The following MICAL3 variants were observed in gnomAD, a reference collection of about 807,000 sequenced individuals.
MICAL3 encodes the protein microtubule associated monooxygenase, calponin and LIM domain containing 3.
A neutral mutation model predicts 207.4 loss-of-function variants in MICAL3; 62 were observed. The ratio of observed to expected loss-of-function variants is 0.30; its 90% confidence interval spans 0.24 to 0.37. The LOEUF is 0.37. Among genes scored for constraint, MICAL3 ranks in the 10% least tolerant of loss-of-function variants. The probability of loss-of-function intolerance (pLI) is 1.00; values close to 1 mark genes in which losing one functional copy is unlikely to be tolerated. For missense variants in MICAL3, 2,368 were observed against 2,635.6 expected, an observed-to-expected ratio of 0.90 and a Z score of 2.22; for synonymous variants, 1,077 against 1,069.3, an observed-to-expected ratio of 1.01 and a Z score of -0.14.
At position 17,877,547 on chromosome 22, in the gene MICAL3, GAGGGAGGTTATGGAGGTT is replaced by G. The variant is rs1928944225; in HGVS notation, c.2242-5542_2242-5525del. On this transcript the variant is annotated intron_variant, in intron 16 of 31. Coordinates refer to ENST00000441493, the MANE Select transcript of MICAL3 (RefSeq NM_015241.3). ...GGGAGGTGAGGGAGGTTATGGAGGT[GAGGGAGGTTATGGAGGTT>G]AGGGAGGTTAGGGAAGTTATGGAGG... 4.3e-4 allele frequency among the ~76,000 whole-genome samples: 26 copies of G among 60,228 alleles called. 1 individual carries two copies. The highest frequency in any genetic ancestry group is 6.4e-4 in the Non-Finnish European group (17 of 26,748). 39.5% of individuals were successfully genotyped at this position (60,228 alleles called of 152,430 possible).
chr22:17,852,834 G>C (rs1392692124), intron 19 of MICAL3, among the ~76,000 whole-genome samples: 2 of 152,206 alleles, frequency 1.3e-5, no homozygotes, highest in African/African-American at 4.8e-5. Flanking sequence ...CAGCACTTTG[G>C]GAGGCTGAGG....
In MICAL3 at chr22:18,014,410, C is replaced by G. The variant is rs572966622; in HGVS notation, c.-75+9871G>C. Among the ~76,000 whole-genome samples the G allele has an allele frequency of 4.7e-4, 71 of 152,254 alleles. 1 individual carries two copies. Among genetic ancestry groups the G allele is most frequent in the Non-Finnish European group, 9.0e-4 (61 of 68,032 alleles). On this transcript the variant is annotated intron_variant, in intron 1 of 31. Coordinates refer to ENST00000441493, the MANE Select transcript of MICAL3 (RefSeq NM_015241.3). ...GCCATTCGATCTGAAAATACCAGAG[C>G]CTGGAAGGAAGAGAACAGCTTTTCC...
At chr22:17,813,989 A>G (rs868769651) in intron 27 of MICAL3, 4 of 152,268 alleles carry the variant, frequency 2.6e-5, no homozygotes, top group Non-Finnish European at 4.4e-5. Context: ...TTTCTATAAT[A>G]AACATTTTAA....
At chr22:17,865,327 C>T (rs186651261) in intron 18 of MICAL3, among the ~76,000 whole-genome samples, 1 of 152,184 alleles carries the variant, frequency 6.6e-6, no homozygotes, top group Non-Finnish European at 1.5e-5. Context: ...GGGGGACTGA[C>T]AGGCAGGCGT....
At chr22:17,875,500 T>G (rs575915868) in intron 16 of MICAL3, 46 of 1,556,140 alleles carry the variant, frequency 3.0e-5, no homozygotes, top group Non-Finnish European at 4.0e-5. Context: ...GAGCGGAGAC[T>G]AAGAGAAAGC....
At chr22:17,979,221 C>T (rs570985859) in intron 1 of MICAL3, among the ~76,000 whole-genome samples, 39 of 151,740 alleles carry the variant, frequency 2.6e-4, no homozygotes, top group East Asian at 4.0e-4. Context: ...ACCATATTCT[C>T]GAAAGGGCCT....
chr22:17,993,807 T>C (rs909931087), intron 1 of MICAL3, among the ~76,000 whole-genome samples: 1 of 150,996 alleles, frequency 6.6e-6, no homozygotes, highest in Non-Finnish European at 1.5e-5. Context: ...GAGGGAAATA[T>C]GGAGGAGGGG....
In MICAL3 at chr22:17,868,900, G is replaced by A. The variant is rs561182450; in HGVS notation, c.2429-2888C>T. On this transcript the variant is annotated intron_variant, in intron 17 of 31. Coordinates refer to ENST00000441493, the MANE Select transcript of MICAL3 (RefSeq NM_015241.3). ...GCAGACAGAATGGTTCTCCACAGACGCATGGATGAGACAGTGCGAGCCCTG... is the reference window on the plus strand; with the variant it reads ...GCAGACAGAATGGTTCTCCACAGACACATGGATGAGACAGTGCGAGCCCTG... Among the ~76,000 whole-genome samples, 34 of 151,864 alleles carry A rather than the reference G, an allele frequency of 2.2e-4. 1 individual carries two copies. In the East Asian group the frequency reaches 2.9e-3, roughly 13 times the overall value.
chr22:17,841,757 C>T lies in MICAL3; in HGVS notation c.2801+65G>A. 1.3e-6 allele frequency: 2 copies of T among 1,493,186 alleles called. No individual in the cohort carries two copies. The highest frequency in any genetic ancestry group is 1.8e-6 in the Non-Finnish European group (2 of 1,102,224). The allele number at this position is 1,493,186 out of a possible 1,614,324, so 92.5% of individuals were successfully genotyped here. ...CCTTCACTGAGAAGAAACCGAGACACACAGAGGTGAGGAGGCTCTTAGGGC... is the reference window on the plus strand; with the variant it reads ...CCTTCACTGAGAAGAAACCGAGACATACAGAGGTGAGGAGGCTCTTAGGGC... On this transcript the variant is annotated intron_variant, in intron 20 of 31. Transcript: ENST00000441493. The surrounding 1 kb of genome is among the most constrained non-coding windows in gnomAD (Gnocchi z 4.2).
chr22:17,876,828 AT>A (rs1569109196), intron 16 of MICAL3: 2 of 137,914 alleles, frequency 1.5e-5, no homozygotes, highest in South Asian at 2.2e-4. Context: ...TAGGGAGGTT[AT>A]GGAGGTTAGG....
chr22:17,949,812 C>T (rs994635531), intron 1 of MICAL3, among the ~76,000 whole-genome samples: 5 of 152,216 alleles, frequency 3.3e-5, no homozygotes, highest in African/African-American at 7.2e-5. Flanking sequence ...GGACAACACA[C>T]GATGCAGGGG....
At chr22:17,912,293 T>C (rs117164542) in intron 1 of MICAL3, among the ~76,000 whole-genome samples, 5,972 of 152,164 alleles carry the variant, frequency 0.039, 174 homozygotes, top group Non-Finnish European at 0.058. Flanking sequence ...TTGGTCTCCT[T>C]TAGAAGGGCT....
chr22:17,807,724 A>C (rs1036016390), intron 29 of MICAL3, among the ~76,000 whole-genome samples: 1 of 152,132 alleles, frequency 6.6e-6, no homozygotes, highest in African/African-American at 2.4e-5. Context: ...TCATCTTGAC[A>C]CCAGGCACTT....
chr22:17,961,575 C>T (rs1286733182), intron 1 of MICAL3, among the ~76,000 whole-genome samples: 2 of 152,180 alleles, frequency 1.3e-5, no homozygotes, highest in East Asian at 1.9e-4. Flanking sequence ...GAGCCCCTTG[C>T]CAAGCCTGAA....
chr22:17,794,393 T>C (rs2061854651), intron 29 of MICAL3, among the ~76,000 whole-genome samples: 1 of 152,264 alleles, frequency 6.6e-6, no homozygotes, highest in Admixed American at 6.5e-5. Context: ...ACCACAGGTA[T>C]GTGCCTGAGG....
chr22:17,904,682 C>G lies in MICAL3; in HGVS notation c.422G>C (p.Gly141Ala). Residue 141 changes from glycine (G) to alanine (A), a missense_variant, in exon 3 of 32, where the codon GGT becomes GCT. Gly to Ala is a moderately conservative substitution (Grantham distance 60, BLOSUM62 0). This residue lies in a region of MICAL3 where 400 missense variants were observed against 547.0 expected (regional missense o/e 0.73). Transcript: ENST00000441493. ...GAACTTGCCATAGAACTTCTTGGCACCCAGACCTCGTAGATCATGTATGGT... is the reference window on the plus strand; with the variant it reads ...GAACTTGCCATAGAACTTCTTGGCAGCCAGACCTCGTAGATCATGTATGGT... The part of the protein sequence containing the change: ...PFTIHDLRGL[G>A]AKKFYGKFCA... The G allele has an allele frequency of 1.2e-6, 2 of 1,614,096 alleles. No individual in the cohort carries two copies. The highest frequency in any genetic ancestry group is 3.3e-4 in the Middle Eastern group (2 of 6,050).
At chr22:17,836,974 A>T (rs1923459899) in intron 20 of MICAL3, among the ~76,000 whole-genome samples, 2 of 152,198 alleles carry the variant, frequency 1.3e-5, no homozygotes, top group Admixed American at 6.5e-5. Context: ...GGCAATGGGT[A>T]ACCATGGTTT....
intron 1 of MICAL3, among the ~76,000 whole-genome samples, chr22:17,942,649 G>A (rs1430949305): frequency 1.3e-5 from 2 of 152,178 alleles, no homozygotes; most frequent in Non-Finnish European, 2.9e-5. Context: ...GGGCCACTGC[G>A]GAAGCCCTCT....
chr22:17,923,042 CCT>C (rs1401380164), intron 1 of MICAL3, among the ~76,000 whole-genome samples: 3 of 152,138 alleles, frequency 2.0e-5, no homozygotes, highest in Non-Finnish European at 4.4e-5. Flanking sequence ...CCCGCTGACC[CCT>C]GAGATCACTC....
Sources: gnomAD v4.1 joint callset for allele counts (sites outside exome capture counted in the v4.1 genomes callset) on GRCh38, gnomAD v4.1.1 for gene constraint, gnomAD v4.1.1 regional missense constraint, Gnocchi (gnomAD v3.1) non-coding constraint, MANE v1.5 for transcripts, NCBI Gene and HGNC (gene_info 2026-07-23, HGNC 2026-07-21) for gene names.